Variants in DNMT3A observed in about 807,000 individuals in gnomAD.
The protein encoded by DNMT3A is DNA (cytosine-5)-methyltransferase 3A.
DNMT3A carries 267 observed loss-of-function variants against 117.6 expected under a neutral mutation model. That is an observed-to-expected ratio of 2.27 (90% CI 2.05 to 2.51). The LOEUF is 2.51. Among genes scored for constraint, DNMT3A ranks in the 30% most tolerant of loss-of-function variants. The pLI is 0.00. For synonymous variants in DNMT3A, 432 were observed against 474.8 expected (o/e 0.91, Z 1.17); for missense variants, 1,029 against 1,260.2 (o/e 0.82, Z 2.78).
intron 6 of DNMT3A, among the ~76,000 whole-genome samples, chr2:25,264,939 A>G (rs1239355661): frequency 2.6e-5 from 4 of 152,222 alleles, no homozygotes; most frequent in Admixed American, 2.0e-4. Context: ...ATGGAATTTT[A>G]GAATCTCTGG....
chr2:25,331,240 C>T (rs1479330964), intron 1 of DNMT3A, among the ~76,000 whole-genome samples: 5 of 152,208 alleles, frequency 3.3e-5, no homozygotes, highest in African/African-American at 1.2e-4. Flanking sequence ...GGCCCCAGCA[C>T]GATGCCACAC....
chr2:25,281,365 C>T lies in DNMT3A; in HGVS notation c.448+1076G>A. The T allele has an allele frequency of 1.1e-6, 1 of 874,336 alleles. No homozygotes were observed. The highest frequency in any genetic ancestry group is 1.8e-5 in the African/African-American group (1 of 55,548). 54.2% of individuals were successfully genotyped at this position (874,336 alleles called of 1,614,324 possible). A position where few individuals can be genotyped will look rare whatever the true frequency, so the allele number is the denominator to read the frequency against. ...ATTGTTAGAGGAGTAAATAAAACAA[C>T]TAATACAGATTCCCTCTGTAGTGTT... On this transcript the variant is annotated intron_variant, in intron 4 of 22. Transcript: ENST00000321117. This position sits in a 1 kb window ranked among gnomAD's most constrained non-coding sequence, Gnocchi z 4.8.
intron 20 of DNMT3A, among the ~76,000 whole-genome samples, chr2:25,238,652 G>A (rs941993362): frequency 1.3e-5 from 2 of 152,188 alleles, no homozygotes; most frequent in Non-Finnish European, 2.9e-5. Context: ...AAAAGGACCT[G>A]AAGCCAACAA....
intron 3 of DNMT3A, among the ~76,000 whole-genome samples, chr2:25,295,362 CT>C (rs1041368632): frequency 2.0e-5 from 3 of 152,244 alleles, no homozygotes; most frequent in Non-Finnish European, 2.9e-5. Context: ...TTCCTGTTTC[CT>C]GTTGCCGGCT....
chr2:25,336,627 C>T (rs1573515960), intron 1 of DNMT3A, among the ~76,000 whole-genome samples: 1 of 152,230 alleles, frequency 6.6e-6, no homozygotes, highest in East Asian at 1.9e-4. Flanking sequence ...CCCCTCCCTC[C>T]CTGCTGTCCT....
At position 25,241,550 on chromosome 2, in the gene DNMT3A, GCATGGACATA is replaced by G; in HGVS notation, c.2082+2_2082+11del. On this transcript the variant is annotated splice_donor_variant and splice_donor_5th_base_variant and intron_variant, in intron 17 of 22. Coordinates refer to ENST00000321117, the MANE Select transcript of DNMT3A (RefSeq NM_022552.5). LOFTEE classifies it high-confidence loss of function. ...AGGGGAAGACGGGCTGCGCCCCACA[GCATGGACATA>G]CATGCTTCTGTGTGACGCTGCGGAC... The G allele has an allele frequency of 6.2e-7, 1 of 1,609,870 alleles. No homozygotes were observed. The highest frequency in any genetic ancestry group is 8.5e-7 in the Non-Finnish European group (1 of 1,178,152).
Position 25,247,915 on chromosome 2 carries a change from C to T in DNMT3A, c.855+122G>A, listed in dbSNP as rs1317421439. 3.9e-6 allele frequency: 6 copies of T among 1,520,358 alleles called. No individual in the cohort carries two copies. The highest frequency in any genetic ancestry group is 3.5e-5 in the South Asian group (3 of 84,656). The allele number at this position is 1,520,358 out of a possible 1,614,324, so 94.2% of individuals were successfully genotyped here. A position where few individuals can be genotyped will look rare whatever the true frequency, so the allele number is the denominator to read the frequency against. On this transcript the variant is annotated intron_variant, in intron 7 of 22. Transcript: ENST00000321117. The surrounding 1 kb of genome is among the most constrained non-coding windows in gnomAD (Gnocchi z 5.6). Reference sequence around the variant, plus strand: ...GCAAAATCGGGGAGACGAAGAGGCCCGGGGTCAGGTGGAGAGAGCGAGCGG... The same window carrying T: ...GCAAAATCGGGGAGACGAAGAGGCCTGGGGTCAGGTGGAGAGAGCGAGCGG...
chr2:25,278,001 T>TCA (rs71397475), intron 4 of DNMT3A, among the ~76,000 whole-genome samples: 17,680 of 90,360 alleles, frequency 0.2, 1,139 homozygotes, highest in African/African-American at 0.21. Context: ...ACTTGAGTGA[T>TCA]CACACACACA....
rs1675640728 is a variant in DNMT3A at position 25,252,110 on chromosome 2, A to G, written c.640-3858T>C. The G allele has an allele frequency of 4.6e-6, 7 of 1,516,222 alleles. No homozygotes were observed. Among genetic ancestry groups the G allele is most frequent in the Non-Finnish European group, 8.9e-7 (1 of 1,125,800 alleles). 93.9% of individuals were successfully genotyped at this position (1,516,222 alleles called of 1,614,324 possible). A position where few individuals can be genotyped will look rare whatever the true frequency, so the allele number is the denominator to read the frequency against. On this transcript the variant is annotated intron_variant, in intron 6 of 22. Transcript: ENST00000321117. This position sits in a 1 kb window ranked among gnomAD's most constrained non-coding sequence, Gnocchi z 5.5. ...GGGGAGGCATACTTCACTCTTTTCA[A>G]ACCCGGAGGGCTGCGGAGATCCTCC...
intron 6 of DNMT3A, among the ~76,000 whole-genome samples, chr2:25,261,449 A>AG: frequency 6.7e-6 from 1 of 148,274 alleles, no homozygotes; most frequent in East Asian, 2.0e-4. Context: ...AAAAAAAAAA[A>AG]AAAAAAAAAA....
At chr2:25,330,678 T>C (rs1157919345) in intron 1 of DNMT3A, among the ~76,000 whole-genome samples, 1 of 152,208 alleles carries the variant, frequency 6.6e-6, no homozygotes, top group East Asian at 1.9e-4. Context: ...CCCTATCCCC[T>C]GGCACACTGA....
At chr2:25,256,707 T>C (rs1676168450) in intron 6 of DNMT3A, among the ~76,000 whole-genome samples, 1 of 152,168 alleles carries the variant, frequency 6.6e-6, no homozygotes, top group African/African-American at 2.4e-5. Context: ...TTCTGTCCCT[T>C]ATCTTTCCCT....
At chr2:25,326,108 ATGTGTGTGTGTGTGTGTGTGTGTG>A (rs61521265) in intron 1 of DNMT3A, among the ~76,000 whole-genome samples, 2 of 142,256 alleles carry the variant, frequency 1.4e-5, no homozygotes, top group African/African-American at 2.6e-5. Context: ...CTTGATATAT[ATGTGTGTGTGTGTGTGTGTGTGTG>A]TGTGTGTGTG....
At chr2:25,243,608 T>A (rs1203216458) in intron 16 of DNMT3A, among the ~76,000 whole-genome samples, 1 of 152,210 alleles carries the variant, frequency 6.6e-6, no homozygotes, top group Non-Finnish European at 1.5e-5. Context: ...CTCTGTGAAA[T>A]CTCTGTGAAT....
chr2:25,264,243 G>A (rs1296264131), intron 6 of DNMT3A, among the ~76,000 whole-genome samples: 2 of 138,078 alleles, frequency 1.4e-5, no homozygotes, highest in Admixed American at 8.4e-5. Context: ...TGGCTCAAAC[G>A]ATTCTTGTGC....
intron 1 of DNMT3A, among the ~76,000 whole-genome samples, chr2:25,341,059 C>A (rs2035410122): frequency 1.4e-5 from 2 of 145,702 alleles, no homozygotes; most frequent in Admixed American, 6.8e-5. Context: ...CGCCGCCCCT[C>A]CCGGCCCCGC....
chr2:25,274,989 G>A lies in DNMT3A; in HGVS notation c.591C>T (p.Tyr197=). ...ACTCGTCCCGCTTGCGCTTGCTGAT[G>A]TAGTAGGGGTCCCCCGCCTGGAAGG... is the stretch of plus-strand genomic sequence containing the variant. ...RLTFQAGDPY[Y]ISKRKRDEWL... is the part of the protein sequence containing the mutation. The change falls in exon 6 of 23, where the codon TAC becomes TAT. Residue 197 remains tyrosine (Y), a synonymous_variant. Coordinates refer to ENST00000321117, the MANE Select transcript of DNMT3A (RefSeq NM_022552.5). The A allele has an allele frequency of 2.5e-6, 4 of 1,613,940 alleles. No individual in the cohort carries two copies. The highest frequency in any genetic ancestry group is 3.4e-6 in the Non-Finnish European group (4 of 1,179,956).
chr2:25,252,993 T>A lies in DNMT3A; in HGVS notation c.640-4741A>T, dbSNP rs1675778666. On this transcript the variant is annotated intron_variant, in intron 6 of 22. Coordinates refer to ENST00000321117, the MANE Select transcript of DNMT3A (RefSeq NM_022552.5). The surrounding 1 kb of genome is among the most constrained non-coding windows in gnomAD (Gnocchi z 5.5). ...GTCAGGCTTCGAGTCCCAGGGCCCC[T>A]GCGTCACTCTGGGCCTTCCCTGGAT... 6.6e-6 allele frequency among the ~76,000 whole-genome samples: 1 copy of A among 152,168 alleles called. No individual in the cohort carries two copies. Among genetic ancestry groups the A allele is most frequent in the South Asian group, 2.1e-4 (1 of 4,828 alleles).
At position 25,247,879 on chromosome 2, in the gene DNMT3A, G is replaced by A. The variant is rs878960280; in HGVS notation, c.856-130C>T. On this transcript the variant is annotated intron_variant, in intron 7 of 22. Coordinates refer to ENST00000321117, the MANE Select transcript of DNMT3A (RefSeq NM_022552.5). This position sits in a 1 kb window ranked among gnomAD's most constrained non-coding sequence, Gnocchi z 5.6. The stretch of plus-strand genomic sequence containing the variant: ...CCAGGAGGGAGCTCCATCTGAATGA[G>A]GCAAGACAGAGCAAAATCGGGGAGA... 3.9e-6 allele frequency: 6 copies of A among 1,527,532 alleles called. No homozygotes were observed. The South Asian group carries it at 7.1e-5, about 18-fold the overall frequency. The allele number at this position is 1,527,532 out of a possible 1,614,324, so 94.6% of individuals were successfully genotyped here.
Sources: gnomAD v4.1 joint callset for allele counts (sites outside exome capture counted in the v4.1 genomes callset) on GRCh38, gnomAD v4.1.1 for gene constraint, Gnocchi (gnomAD v3.1) non-coding constraint, MANE v1.5 for transcripts, NCBI Gene and HGNC (gene_info 2026-07-23, HGNC 2026-07-21) for gene names.